The following ZNF804A variants were observed in gnomAD, a reference collection of about 807,000 sequenced individuals.
ZNF804A encodes zinc finger protein 804A.
A neutral mutation model predicts 16.5 loss-of-function variants in ZNF804A; 2 were observed. That is an observed-to-expected ratio of 0.12 (90% CI 0.05 to 0.38). The LOEUF (loss-of-function observed/expected upper bound fraction) is 0.38, where lower values mean the gene tolerates loss of function less well. Ranked by LOEUF, ZNF804A falls within the 10% of genes least tolerant of loss-of-function variation. The probability of loss-of-function intolerance (pLI) is 0.99; values close to 1 mark genes in which losing one functional copy is unlikely to be tolerated. For missense variants in ZNF804A, 1,473 were observed against 1,390.7 expected (o/e 1.06, Z -0.94); for synonymous variants, 534 against 489.6 (o/e 1.09, Z -1.20).
Position 184,938,906 on chromosome 2 carries a change from A to C in ZNF804A, c.3510A>C (p.Pro1170=). The C allele has an allele frequency of 6.2e-7, 1 of 1,613,936 alleles. No homozygotes were observed. The highest frequency in any genetic ancestry group is 8.5e-7 in the Non-Finnish European group (1 of 1,179,960). The part of the protein sequence containing the change: ...QPTFVAPPQM[P]IIPASVLHPS... ...CTTTTGTTGCTCCTCCTCAGATGCCAATCATTCCAGCTTCCGTTCTTCATC... is the reference window on the plus strand; with the variant it reads ...CTTTTGTTGCTCCTCCTCAGATGCCCATCATTCCAGCTTCCGTTCTTCATC... Residue 1170 remains proline (P), a synonymous_variant, in exon 4 of 4, where the codon CCA becomes CCC. Coordinates refer to ENST00000302277, the MANE Select transcript of ZNF804A (RefSeq NM_194250.2).
chr2:184,829,899 C>CAAAAAAAAAAAAAAAAAA (rs1244566222), intron 1 of ZNF804A, among the ~76,000 whole-genome samples: 12 of 38,900 alleles, frequency 3.1e-4, no homozygotes, highest in South Asian at 1.3e-3. Flanking sequence ...CTGTCTCTAC[C>CAAAAAAAAAAAAAAAAAA]AAAAAAAAAA....
intron 1 of ZNF804A, among the ~76,000 whole-genome samples, chr2:184,779,909 A>G (rs1235765208): frequency 6.6e-6 from 1 of 151,722 alleles, no homozygotes; most frequent in Admixed American, 6.6e-5. Context: ...CAAATAGGAA[A>G]CCAGTATATT....
intron 2 of ZNF804A, among the ~76,000 whole-genome samples, chr2:184,906,614 A>G (rs546950003): frequency 6.6e-6 from 1 of 151,872 alleles, no homozygotes; most frequent in Non-Finnish European, 1.5e-5. Flanking sequence ...TTCCTTTTTA[A>G]TGTCATCTTT....
chr2:184,838,863 T>A (rs1249297709), intron 1 of ZNF804A, among the ~76,000 whole-genome samples: 1 of 152,140 alleles, frequency 6.6e-6, no homozygotes, highest in African/African-American at 2.4e-5. Context: ...TGATATTGCC[T>A]ACAAATTGAT....
chr2:184,644,792 A>G (rs1010832530), intron 1 of ZNF804A, among the ~76,000 whole-genome samples: 1 of 152,068 alleles, frequency 6.6e-6, no homozygotes, highest in Non-Finnish European at 1.5e-5. Context: ...AGAATTATCA[A>G]AAGAGACCAT....
intron 2 of ZNF804A, among the ~76,000 whole-genome samples, chr2:184,900,083 A>T (rs956799373): frequency 5.3e-5 from 8 of 152,120 alleles, no homozygotes; most frequent in Non-Finnish European, 1.2e-4. Context: ...AAATTTTTAC[A>T]TGAGAGAAAA....
intron 1 of ZNF804A, among the ~76,000 whole-genome samples, chr2:184,807,039 C>A (rs1267300530): frequency 1.3e-5 from 2 of 151,658 alleles, no homozygotes; most frequent in Non-Finnish European, 3.0e-5. Flanking sequence ...TATATTGTCT[C>A]TGCTCTTTTC....
intron 2 of ZNF804A, among the ~76,000 whole-genome samples, chr2:184,895,235 T>G (rs1234046830): frequency 6.6e-6 from 1 of 151,862 alleles, no homozygotes; most frequent in East Asian, 1.9e-4. Context: ...GGTGTGTGTG[T>G]GTGAGAGAGA....
At chr2:184,649,407 C>T (rs1038748261) in intron 1 of ZNF804A, among the ~76,000 whole-genome samples, 29 of 151,838 alleles carry the variant, frequency 1.9e-4, no homozygotes, top group Non-Finnish European at 2.8e-4. Context: ...CCAAAGCTAC[C>T]AGATGAAAAG....
intron 1 of ZNF804A, among the ~76,000 whole-genome samples, chr2:184,857,788 G>C (rs1470751811): frequency 6.6e-6 from 1 of 151,682 alleles, no homozygotes; most frequent in Non-Finnish European, 1.5e-5. Flanking sequence ...ACTTATTTTG[G>C]TTTTCATTTG....
intron 1 of ZNF804A, among the ~76,000 whole-genome samples, chr2:184,824,694 G>A (rs1048844767): frequency 1.1e-4 from 17 of 152,088 alleles, no homozygotes; most frequent in African/African-American, 1.9e-4. Context: ...TGTAAGTTAG[G>A]AAGGATACCG....
intron 1 of ZNF804A, among the ~76,000 whole-genome samples, chr2:184,735,869 G>A (rs1310805337): frequency 6.6e-6 from 1 of 152,142 alleles, no homozygotes; most frequent in Non-Finnish European, 1.5e-5. Flanking sequence ...GGGAAATGGT[G>A]AAGCAAAAAT....
intron 1 of ZNF804A, among the ~76,000 whole-genome samples, chr2:184,717,393 T>C (rs1017922142): frequency 2.0e-5 from 3 of 152,204 alleles, no homozygotes; most frequent in Non-Finnish European, 2.9e-5. Context: ...GTCCTGCTGT[T>C]CCAAAATAAT....
chr2:184,764,460 A>G (rs531024307), intron 1 of ZNF804A, among the ~76,000 whole-genome samples: 2 of 152,296 alleles, frequency 1.3e-5, no homozygotes, highest in South Asian at 4.1e-4. Flanking sequence ...ACCACAAAAC[A>G]CACTCTTAGG....
intron 1 of ZNF804A, among the ~76,000 whole-genome samples, chr2:184,633,539 C>T (rs1052169828): frequency 3.3e-5 from 5 of 152,192 alleles, no homozygotes; most frequent in South Asian, 2.1e-4. Flanking sequence ...GTGACTTGAA[C>T]GGAGGTAAGT....
chr2:184,786,314 TA>T (rs1303282753), intron 1 of ZNF804A, among the ~76,000 whole-genome samples: 1 of 151,958 alleles, frequency 6.6e-6, no homozygotes, highest in African/African-American at 2.4e-5. Flanking sequence ...TTTCAGCTAT[TA>T]AAAAAATTGA....
intron 2 of ZNF804A, among the ~76,000 whole-genome samples, chr2:184,873,722 G>A (rs990983864): frequency 1.3e-5 from 2 of 152,040 alleles, no homozygotes; most frequent in Non-Finnish European, 2.9e-5. Flanking sequence ...AAAAATATTT[G>A]AGGACATTTT....
chr2:184,879,054 TAAC>T (rs1242318175), intron 2 of ZNF804A, among the ~76,000 whole-genome samples: 1 of 152,002 alleles, frequency 6.6e-6, no homozygotes, highest in African/African-American at 2.4e-5. Context: ...TAACTTATGA[TAAC>T]AAATTATGTC....
Position 184,937,472 on chromosome 2 carries a change from C to A in ZNF804A, c.2076C>A (p.His692Gln). The stretch of plus-strand genomic sequence containing the variant: ...ATGATACTATCAGTTCTAAAAACCA[C>A]TGTAAAAAGAACACAATACTTTTAA... ...NTYDTISSKN[H>Q]CKKNTILLNG... Residue 692 changes from histidine (H) to glutamine (Q), a missense_variant, in exon 4 of 4, where the codon CAC (histidine) becomes CAA (glutamine). Coordinates refer to ENST00000302277, the MANE Select transcript of ZNF804A (RefSeq NM_194250.2). The A allele has an allele frequency of 6.3e-7, 1 of 1,577,058 alleles. No homozygotes were observed. The highest frequency in any genetic ancestry group is 8.6e-7 in the Non-Finnish European group (1 of 1,160,680).
Sources: allele counts gnomAD v4.1 joint callset (sites outside exome capture counted in the v4.1 genomes callset), GRCh38; gene constraint gnomAD v4.1.1; transcripts MANE v1.5; gene names NCBI Gene and HGNC (gene_info 2026-07-23, HGNC 2026-07-21).